CDKL3: variants seen among roughly 807,000 people sequenced by gnomAD.
CDKL3 encodes the protein cyclin dependent kinase like 3.
CDKL3 carries 65 observed loss-of-function variants against 69.3 expected under a neutral mutation model. The observed-to-expected ratio is 0.94, with a 90% CI of 0.77 to 1.15. The LOEUF (loss-of-function observed/expected upper bound fraction) is 1.15, where lower values mean the gene tolerates loss of function less well. CDKL3 is among the 50% of genes most tolerant of loss of function. CDKL3 has a pLI of 0.00. For missense variants in CDKL3, 652 were observed against 689.2 expected, an observed-to-expected ratio of 0.95 and a Z score of 0.61; for synonymous variants, 202 against 221.6, an observed-to-expected ratio of 0.91 and a Z score of 0.79.
chr5:134,290,225 A>C (rs1008102496), intron 8 of CDKL3, among the ~76,000 whole-genome samples: 23 of 151,944 alleles, frequency 1.5e-4, no homozygotes, highest in African/African-American at 5.1e-4. Flanking sequence ...ATGGTGGCAC[A>C]TGCCTGTAAT....
At chr5:134,346,162 A>G (rs1298242858) in intron 4 of CDKL3, among the ~76,000 whole-genome samples, 2 of 152,208 alleles carry the variant, frequency 1.3e-5, no homozygotes, top group African/African-American at 4.8e-5. Context: ...AAAGTAAGTC[A>G]TAAGACCTTC....
At chr5:134,318,998 T>G (rs1292750231) in intron 6 of CDKL3, 1 of 155,500 alleles carries the variant, frequency 6.4e-6, no homozygotes, top group Non-Finnish European at 1.4e-5. Flanking sequence ...TTATGCAAAT[T>G]TCTCAGATAT....
At chr5:134,368,462 A>G (rs959358881), upstream of CDKL3, among the ~76,000 whole-genome samples, 4 of 151,984 alleles carry the variant, frequency 2.6e-5, no homozygotes, top group African/African-American at 9.7e-5. Flanking sequence ...ACTAAAAAAT[A>G]GAAAAAATTA....
chr5:134,337,285 C>T (rs534402612), intron 4 of CDKL3, among the ~76,000 whole-genome samples: 2 of 152,314 alleles, frequency 1.3e-5, no homozygotes, highest in South Asian at 4.1e-4. Context: ...AAAGGGAAAT[C>T]AATCCCTGAC....
chr5:134,306,340 G>A (rs1042148448), intron 10 of CDKL3, among the ~76,000 whole-genome samples: 22 of 151,840 alleles, frequency 1.4e-4, no homozygotes, highest in Admixed American at 2.0e-4. Flanking sequence ...ACAAAAAAAT[G>A]AACAAAATTA....
downstream of CDKL3, among the ~76,000 whole-genome samples, chr5:134,293,559 G>A (rs746172708): frequency 2.6e-5 from 4 of 152,120 alleles, no homozygotes; most frequent in Non-Finnish European, 5.9e-5. Flanking sequence ...GCTTTGGAAG[G>A]CCGAGGTGGG....
At chr5:134,309,615 C>T (rs1363203280) in intron 7 of CDKL3, among the ~76,000 whole-genome samples, 1 of 152,178 alleles carries the variant, frequency 6.6e-6, no homozygotes, top group African/African-American at 2.4e-5. Flanking sequence ...TGCACAAGTC[C>T]CCTCCTTGAA....
At chr5:134,358,969 ATACC>A (rs1269718458) in intron 3 of CDKL3, among the ~76,000 whole-genome samples, 3 of 152,206 alleles carry the variant, frequency 2.0e-5, no homozygotes, top group Admixed American at 2.0e-4. Flanking sequence ...TAAATGCTTT[ATACC>A]TAGTACCTAA....
chr5:134,319,383 T>C lies in CDKL3; in HGVS notation c.767A>G (p.Asn256Ser). 1.3e-6 allele frequency: 2 copies of C among 1,529,604 alleles called. No homozygotes were observed. Among genetic ancestry groups the C allele is most frequent in the Non-Finnish European group, 8.8e-7 (1 of 1,140,778 alleles). The allele number at this position is 1,529,604 out of a possible 1,614,324, so 94.8% of individuals were successfully genotyped here. A position where few individuals can be genotyped will look rare whatever the true frequency, so the allele number is the denominator to read the frequency against. The change falls in exon 6 of 13, where the codon AAT (asparagine) becomes AGT (serine). Residue 256 changes from asparagine to serine, a missense_variant. By Grantham distance (46) the Asn-to-Ser change is conservative. Transcript: ENST00000265334. The part of the protein sequence containing the change: ...KNARKKYPKL[N>S]GLLADIVHAC... ...ATGAACTATATCTGCCAACAATCCA[T>C]TAAGCTTTGGATATTTTTTTCTTGC...
At chr5:134,312,514 C>T in intron 6 of CDKL3, 134 bp from the exon 7 acceptor site, 2 of 555,806 alleles carry the variant, frequency 3.6e-6, no homozygotes, top group Non-Finnish European at 6.2e-6. Flanking sequence ...TGGAATTAGA[C>T]CTCAGGAACT....
upstream of CDKL3, chr5:134,367,187 A>C (rs1159025209): frequency 8.1e-6 from 8 of 985,454 alleles, no homozygotes; most frequent in Non-Finnish European, 9.6e-6. Flanking sequence ...CGTGCGCAAG[A>C]CCGGAACATG....
At chr5:134,326,817 GTATATATATATATATATATATA>G (rs1164800558) in intron 4 of CDKL3, among the ~76,000 whole-genome samples, 10 of 120,468 alleles carry the variant, frequency 8.3e-5, no homozygotes, top group African/African-American at 3.6e-4. Context: ...ATATGTGTGT[GTATATATATATATATATATATA>G]TATATATATA....
At chr5:134,307,347 A>G (rs1768155901) in intron 9 of CDKL3, among the ~76,000 whole-genome samples, 1 of 152,202 alleles carries the variant, frequency 6.6e-6, no homozygotes, top group Non-Finnish European at 1.5e-5. Context: ...CTGGCTTACA[A>G]CCATTGTTAC....
intron 9 of CDKL3, 128 bp downstream of exon 9, chr5:134,308,010 A>G (rs1428222414): frequency 4.3e-6 from 6 of 1,400,710 alleles, no homozygotes; most frequent in Non-Finnish European, 5.6e-6. Flanking sequence ...ATGGCCCATT[A>G]TACAGCTTTA....
chr5:134,361,665 A>G (rs1290605649), intron 2 of CDKL3, among the ~76,000 whole-genome samples: 1 of 152,018 alleles, frequency 6.6e-6, no homozygotes, highest in Non-Finnish European at 1.5e-5. Context: ...GCACTTTGGG[A>G]GGCTGAGGCG....
chr5:134,350,845 GAAAA>G (rs1561624042), intron 3 of CDKL3, among the ~76,000 whole-genome samples: 1 of 143,806 alleles, frequency 7.0e-6, no homozygotes, highest in East Asian at 2.0e-4. Context: ...AAAAAAAAAA[GAAAA>G]AAAGAAAGAA....
intron 11 of CDKL3, among the ~76,000 whole-genome samples, chr5:134,303,869 A>T (rs568221856): frequency 3.3e-5 from 5 of 151,968 alleles, no homozygotes; most frequent in South Asian, 4.1e-4. Context: ...ATAAATAAAT[A>T]AATTTTAATA....
chr5:134,322,317 G>GTA, intron 4 of CDKL3, among the ~76,000 whole-genome samples: 1 of 152,124 alleles, frequency 6.6e-6, no homozygotes, highest in African/African-American at 2.4e-5. Flanking sequence ...TGGCCCATTT[G>GTA]TAAGTTTTTA....
intron 6 of CDKL3, among the ~76,000 whole-genome samples, chr5:134,318,206 C>T (rs1040090879): frequency 7.0e-6 from 1 of 143,104 alleles, no homozygotes; most frequent in Non-Finnish European, 1.5e-5. Context: ...GCAACAAGAG[C>T]AAAACTCCGT....
Sources: allele counts gnomAD v4.1 joint callset (sites outside exome capture counted in the v4.1 genomes callset), GRCh38; gene constraint gnomAD v4.1.1; transcripts MANE v1.5; gene names NCBI Gene and HGNC (gene_info 2026-07-23, HGNC 2026-07-21).